TMPRSS11B: variants seen among roughly 807,000 people sequenced by gnomAD.
TMPRSS11B encodes the protein transmembrane serine protease 11B, also known as transmembrane protease serine 11B.
TMPRSS11B carries 53 observed loss-of-function variants against 44.7 expected under a neutral mutation model. That is an observed-to-expected ratio of 1.19 (90% CI 0.95 to 1.49). TMPRSS11B has a LOEUF of 1.49. Among genes scored for constraint, TMPRSS11B ranks in the 40% most tolerant of loss-of-function variants. The pLI is 0.00. For synonymous variants in TMPRSS11B, 140 were observed against 159.2 expected, an observed-to-expected ratio of 0.88 and a Z score of 0.91; for missense variants, 526 against 494.8, an observed-to-expected ratio of 1.06 and a Z score of -0.60.
At chr4:68,228,408 C>A (rs534939831) in intron 9 of TMPRSS11B, among the ~76,000 whole-genome samples, 1 of 152,306 alleles carries the variant, frequency 6.6e-6, no homozygotes, top group South Asian at 2.1e-4. Flanking sequence ...TGTGCCCAGA[C>A]TCCTGATGCA....
rs1214935718 is a variant in TMPRSS11B at position 68,227,346 on chromosome 4, GAATCACAACTCAGCTATTAAGAAA to G, written c.*541_*564del. ...TCAATTCTGAATATAATGGTAAAAT[GAATCACAACTCAGCTATTAAGAAA>G]AATTATATATTAGCCTTCTTTATTT... is the stretch of plus-strand genomic sequence containing the variant. On this transcript the variant is annotated 3_prime_UTR_variant, in exon 10 of 10. Transcript: ENST00000332644. 1.3e-5 allele frequency: 2 copies of G among 150,086 alleles called. No individual in the cohort carries two copies. Among genetic ancestry groups the G allele is most frequent in the Non-Finnish European group, 3.0e-5 (2 of 67,704 alleles). 9.3% of individuals were successfully genotyped at this position (150,086 alleles called of 1,614,324 possible). A position where few individuals can be genotyped will look rare whatever the true frequency, so the allele number is the denominator to read the frequency against.
Position 68,236,087 on chromosome 4 carries a change from A to C in TMPRSS11B, c.241-18T>G. 6.3e-7 allele frequency: 1 copy of C among 1,582,564 alleles called. No individual in the cohort carries two copies. The highest frequency in any genetic ancestry group is 1.8e-5 in the Admixed American group (1 of 56,588). ...TTTAACATCTGACAAGAGAAAAAAAACAGTCATCATGTATGTTTCAATCAA... is the reference window on the plus strand; with the variant it reads ...TTTAACATCTGACAAGAGAAAAAAACCAGTCATCATGTATGTTTCAATCAA... On this transcript the variant is annotated intron_variant, in intron 3 of 9. Coordinates refer to ENST00000332644, the MANE Select transcript of TMPRSS11B (RefSeq NM_182502.3).
At chr4:68,238,226 C>T (rs1320266) in intron 2 of TMPRSS11B, among the ~76,000 whole-genome samples, 103,545 of 151,850 alleles carry the variant, frequency 0.68, 37,415 homozygotes, top group East Asian at 0.99. Context: ...AAAATAAAAA[C>T]TGATTTCCTA....
In TMPRSS11B at chr4:68,236,857, T is replaced by G. The variant is rs140902525; in HGVS notation, c.125-591A>C. Among the ~76,000 whole-genome samples, 256 of 152,068 alleles carry G rather than the reference T, an allele frequency of 1.7e-3. 1 individual carries two copies. The highest frequency in any genetic ancestry group is 5.9e-3 in the African/African-American group (245 of 41,484). On this transcript the variant is annotated intron_variant, in intron 2 of 9. Transcript: ENST00000332644. ...CTGTCTTGCACCCTTTTGTATGCCC[T>G]TTGCCTGCTGGCCTGGTTTCCATTC...
Position 68,241,776 on chromosome 4 carries a change from G to A in TMPRSS11B, c.37C>T (p.Pro13Ser), listed in dbSNP as rs1719829818. The A allele has an allele frequency of 1.2e-6, 2 of 1,612,948 alleles. No individual in the cohort carries two copies. Among genetic ancestry groups the A allele is most frequent in the Non-Finnish European group, 1.7e-6 (2 of 1,179,324 alleles). Residue 13 changes from proline (P) to serine (S), a missense_variant, in exon 2 of 10, where the codon CCA becomes TCA. Physicochemically the swap from Pro to Ser is moderately conservative, Grantham distance 74. Coordinates refer to ENST00000332644, the MANE Select transcript of TMPRSS11B (RefSeq NM_182502.3). ...RHGISSQRSW[P>S]LWTTIFIFLG... ...AAAATAAAGATCGTAGTCCATAGTG[G>A]CCAAGATCTTTGGGAAGATATGCCG...
Position 68,229,390 on chromosome 4 carries a change from A to G in TMPRSS11B, c.813T>C (p.Ile271=). The change falls in exon 8 of 10, where the codon ATT becomes ATC. Residue 271 remains isoleucine (I), a synonymous_variant. Coordinates refer to ENST00000332644, the MANE Select transcript of TMPRSS11B (RefSeq NM_182502.3). The stretch of plus-strand genomic sequence containing the variant: ...CTTCTTCAGCAAGCTGCACAAGGGC[A>G]ATATCATCATGAAGCCCAGGACTGC... ...NYSSPGLHDD[I]ALVQLAEEVS... The G allele has an allele frequency of 6.2e-7, 1 of 1,614,118 alleles. No individual in the cohort carries two copies. The highest frequency in any genetic ancestry group is 8.5e-7 in the Non-Finnish European group (1 of 1,179,976).
intron 6 of TMPRSS11B, 197 bp downstream of exon 6, chr4:68,232,180 TA>T (rs1446843173): frequency 2.8e-6 from 1 of 358,912 alleles, no homozygotes; most frequent in Non-Finnish European, 5.1e-6. Flanking sequence ...ACTTTTTATA[TA>T]TTTTTTAATA....
chr4:68,234,467 GA>G lies in TMPRSS11B; in HGVS notation c.464del (p.Leu155ProfsTer21). The G allele has an allele frequency of 6.2e-7, 1 of 1,612,988 alleles. No individual in the cohort carries two copies. Among genetic ancestry groups the G allele is most frequent in the Non-Finnish European group, 8.5e-7 (1 of 1,179,658 alleles). ...TAATGGAAATAAGTCAAATACCCAT[GA>G]GTTTAATGGAAGCAGGAACTGCATT... Reference protein sequence around the residue: ...SWNAVPASIKLMEISKAASEM... With the variant: ...SWNAVPASIKXMEISKAASEM... On this transcript the variant is annotated frameshift_variant, in exon 5 of 10. Coordinates refer to ENST00000332644, the MANE Select transcript of TMPRSS11B (RefSeq NM_182502.3). LOFTEE classifies it high-confidence loss of function.
At chr4:68,234,299 G>A (rs577089902) in intron 5 of TMPRSS11B, among the ~76,000 whole-genome samples, 164 bp downstream of exon 5, 9 of 152,134 alleles carry the variant, frequency 5.9e-5, no homozygotes, top group African/African-American at 2.2e-4. Context: ...TGATTCCATG[G>A]CACTGCCCTT....
chr4:68,230,579 G>A (rs913781892), intron 7 of TMPRSS11B, among the ~76,000 whole-genome samples: 2 of 151,412 alleles, frequency 1.3e-5, no homozygotes, highest in Non-Finnish European at 2.9e-5. Context: ...TGAGGCAGGC[G>A]GATCACTTAA....
chr4:68,241,836 G>T (rs1295629361), intron 1 of TMPRSS11B, 32 bp from the exon 2 acceptor site: 1 of 1,311,948 alleles, frequency 7.6e-7, no homozygotes, highest in African/African-American at 1.5e-5. Flanking sequence ...GTTCAAATCA[G>T]ATAATAACAA....
At position 68,226,914 on chromosome 4, in the gene TMPRSS11B, C is replaced by T. The variant is rs1300362252; in HGVS notation, c.*997G>A. 6.6e-6 allele frequency: 1 copy of T among 152,192 alleles called. No individual in the cohort carries two copies. Among genetic ancestry groups the T allele is most frequent in the Non-Finnish European group, 1.5e-5 (1 of 68,038 alleles). The allele number at this position is 152,192 out of a possible 1,614,324, so 9.4% of individuals were successfully genotyped here. On this transcript the variant is annotated 3_prime_UTR_variant, in exon 10 of 10. Transcript: ENST00000332644. ...AAATGTTATATAAATAATTGCCACT[C>T]AAAAGTCATTCTTTAATTCCTGACA... is the stretch of plus-strand genomic sequence containing the variant.
chr4:68,231,472 T>A lies in TMPRSS11B; in HGVS notation c.509-92A>T, dbSNP rs1417652300. The A allele has an allele frequency of 3.4e-6, 4 of 1,183,668 alleles. No individual in the cohort carries two copies. In the African/African-American group the frequency reaches 6.2e-5, roughly 18 times the overall value. 73.3% of individuals were successfully genotyped at this position (1,183,668 alleles called of 1,614,324 possible). ...TTAAAAATTACTTGAAACCTTTCAG[T>A]GATTATTCAACTTCTCCTAATTGAT... On this transcript the variant is annotated intron_variant, in intron 6 of 9. Coordinates refer to ENST00000332644, the MANE Select transcript of TMPRSS11B (RefSeq NM_182502.3).
intron 1 of TMPRSS11B, among the ~76,000 whole-genome samples, chr4:68,245,122 T>C (rs1719963642): frequency 6.6e-6 from 1 of 152,170 alleles, no homozygotes; most frequent in Admixed American, 6.6e-5. Flanking sequence ...TCAGAATCTA[T>C]ATTAGAAAGT....
intron 9 of TMPRSS11B, among the ~76,000 whole-genome samples, chr4:68,228,309 G>A (rs1165135859): frequency 1.3e-5 from 2 of 152,148 alleles, no homozygotes; most frequent in East Asian, 3.9e-4. Flanking sequence ...TATAATGAGT[G>A]CAGCTTGAAT....
intron 7 of TMPRSS11B, among the ~76,000 whole-genome samples, chr4:68,230,539 C>T (rs920038003): frequency 6.6e-6 from 1 of 152,068 alleles, no homozygotes; most frequent in Non-Finnish European, 1.5e-5. Flanking sequence ...CATGGTGGCT[C>T]GCACCTGTAA....
rs1450996302 is a variant in TMPRSS11B at position 68,234,562 on chromosome 4, C to T, written c.370G>A (p.Gly124Arg). 1 of 1,613,798 alleles carries T rather than the reference C, an allele frequency of 6.2e-7. No homozygotes were observed. Among genetic ancestry groups the T allele is most frequent in the Non-Finnish European group, 8.5e-7 (1 of 1,179,958 alleles). ...QLKFKFPPAE[G>R]VSMRTKIKAK... ...TTGATTTTAGTCCTCATGCTAACTC[C>T]TTCTGCTGGAGGAAACTTGAATTTC... Residue 124 changes from glycine (G) to arginine (R), a missense_variant, in exon 5 of 10, where the codon GGA (glycine) becomes AGA (arginine). Gly to Arg is a moderately radical substitution (Grantham distance 125). Coordinates refer to ENST00000332644, the MANE Select transcript of TMPRSS11B (RefSeq NM_182502.3).
At chr4:68,245,429 T>C (rs564978486) in intron 1 of TMPRSS11B, 122 bp downstream of exon 1, 1 of 1,069,280 alleles carries the variant, frequency 9.4e-7, no homozygotes, top group Admixed American at 1.7e-5. Context: ...GAGTGTTTCT[T>C]AACAGTGTCC....
At chr4:68,235,906 A>G (rs563622503) in intron 4 of TMPRSS11B, 96 bp downstream of exon 4, 1 of 523,444 alleles carries the variant, frequency 1.9e-6, no homozygotes, top group Non-Finnish European at 3.1e-6. Flanking sequence ...CTTTTTCTTT[A>G]TGTTTGTTTT....
Sources: allele counts gnomAD v4.1 joint callset (sites outside exome capture counted in the v4.1 genomes callset), GRCh38; gene constraint gnomAD v4.1.1; transcripts MANE v1.5; gene names NCBI Gene and HGNC (gene_info 2026-07-23, HGNC 2026-07-21).